FBXO10: variants seen among roughly 807,000 people sequenced by gnomAD.
FBXO10 encodes the protein F-box protein 10.
In FBXO10, 39 loss-of-function variants were observed where a neutral mutation model predicts 80.7. The ratio of observed to expected loss-of-function variants is 0.48; its 90% CI spans 0.37 to 0.63. The LOEUF (loss-of-function observed/expected upper bound fraction) is 0.63. Ranked by LOEUF, FBXO10 falls within the 30% of genes least tolerant of loss-of-function variation. The probability of loss-of-function intolerance (pLI) is 0.00; values close to 1 mark genes in which losing one functional copy is unlikely to be tolerated. For synonymous variants in FBXO10, 449 were observed against 489.6 expected (o/e 0.92, Z 1.09); for missense variants, 1,025 against 1,269.0 (o/e 0.81, Z 2.92).
chr9:37,561,967 A>T (rs1411916458), intron 1 of FBXO10, among the ~76,000 whole-genome samples: 1 of 152,214 alleles, frequency 6.6e-6, no homozygotes, highest in Non-Finnish European at 1.5e-5. Context: ...CTGATGAACA[A>T]GCCCTTGGCC....
chr9:37,541,462 G>A lies in FBXO10; in HGVS notation c.307C>T (p.Arg103Trp), dbSNP rs1346890047. 5 of 1,613,996 alleles carry A rather than the reference G, an allele frequency of 3.1e-6. No homozygotes were observed. The highest frequency in any genetic ancestry group is 3.3e-4 in the Middle Eastern group (2 of 6,062). ...CTCAGGGTACGTCGTTCCCTCCTCC[G>A]GCGGAATAGAGAAAAGCAGATGGAA... Reference protein sequence around the residue: ...ESSICFSLFRRRRERRTLSVG... With the variant: ...ESSICFSLFRWRRERRTLSVG... The change falls in exon 2 of 11, where the codon CGG (arginine) becomes TGG (tryptophan). Residue 103 changes from arginine to tryptophan, a missense_variant. Coordinates refer to ENST00000432825, the MANE Select transcript of FBXO10 (RefSeq NM_012166.3).
intron 9 of FBXO10, among the ~76,000 whole-genome samples, chr9:37,516,589 C>A (rs1821182982): frequency 6.6e-6 from 1 of 152,186 alleles, no homozygotes; most frequent in African/African-American, 2.4e-5. Context: ...GTCATGTGCA[C>A]ACGCATATTG....
intron 5 of FBXO10, 142 bp downstream of exon 5, chr9:37,528,982 G>A (rs970746547): frequency 1.7e-5 from 19 of 1,119,782 alleles, no homozygotes; most frequent in Non-Finnish European, 1.8e-5. Flanking sequence ...CACAAAAGCC[G>A]CTGTGTTACT....
At chr9:37,531,214 T>C (rs1821613975) in intron 4 of FBXO10, among the ~76,000 whole-genome samples, 1 of 152,232 alleles carries the variant, frequency 6.6e-6, no homozygotes. Context: ...GTGGCTATTA[T>C]TTTTTCAAGC....
chr9:37,574,433 G>A (rs751987769), intron 1 of FBXO10, among the ~76,000 whole-genome samples: 2 of 152,116 alleles, frequency 1.3e-5, no homozygotes, highest in African/African-American at 2.4e-5. Context: ...TGATAACCAC[G>A]GCAACCAAAA....
chr9:37,575,033 G>C (rs1372742893), intron 1 of FBXO10, among the ~76,000 whole-genome samples: 1 of 152,160 alleles, frequency 6.6e-6, no homozygotes, highest in Admixed American at 6.5e-5. Context: ...TCAAAGTCCT[G>C]TCGTCCTTCT....
intron 5 of FBXO10, among the ~76,000 whole-genome samples, chr9:37,525,512 A>T (rs1259549406): frequency 6.6e-6 from 1 of 152,198 alleles, no homozygotes; most frequent in Non-Finnish European, 1.5e-5. Context: ...AGTTCACTGT[A>T]GCCTCACTTG....
rs565383173 is a variant in FBXO10 at position 37,513,131 on chromosome 9, G to A, written c.2697-410C>T. Among the ~76,000 whole-genome samples, 10 of 151,826 alleles carry A rather than the reference G, an allele frequency of 6.6e-5. No homozygotes were observed. In the South Asian group the frequency reaches 1.9e-3, roughly 29 times the overall value. ...TAGGCTTGAGCCACTGCATCCAGCC[G>A]ACTTCTCCACTTTAAATAAGGATCT... is the stretch of plus-strand genomic sequence containing the variant. On this transcript the variant is annotated intron_variant, in intron 10 of 10. Coordinates refer to ENST00000432825, the MANE Select transcript of FBXO10 (RefSeq NM_012166.3).
In FBXO10 at chr9:37,512,410, G is replaced by A; in HGVS notation, c.*137C>T. On this transcript the variant is annotated 3_prime_UTR_variant, in exon 11 of 11. Coordinates refer to ENST00000432825, the MANE Select transcript of FBXO10 (RefSeq NM_012166.3). ...ATGGGCTGTGGAGCTGAAGTGTTCT[G>A]GAGGTACCGTGTTTTGGAGGCCCGG... 1 of 830,490 alleles carries A rather than the reference G, an allele frequency of 1.2e-6. No individual in the cohort carries two copies. The highest frequency in any genetic ancestry group is 2.5e-5 in the East Asian group (1 of 39,364). The allele number at this position is 830,490 out of a possible 1,614,324, so 51.4% of individuals were successfully genotyped here. A position where few individuals can be genotyped will look rare whatever the true frequency, so the allele number is the denominator to read the frequency against.
rs371389946 is a variant in FBXO10, at chr9:37,537,199, C to T, written c.1330G>A (p.Val444Ile). 92 of 1,613,966 alleles carry T rather than the reference C, an allele frequency of 5.7e-5. 1 individual carries two copies. The highest frequency in any genetic ancestry group is 5.6e-4 in the South Asian group (51 of 91,088). ...KCLFRDGKGG[V>I]FVCSHGRAKM... Reference sequence around the variant, plus strand: ...GCTCTGCCGTGGGAGCAGACGAAGACGCCTCCCTTCCCGTCCCGGAAGAGG... The same window carrying T: ...GCTCTGCCGTGGGAGCAGACGAAGATGCCTCCCTTCCCGTCCCGGAAGAGG... The change falls in exon 3 of 11, where the codon GTC becomes ATC. Residue 444 changes from valine (V) to isoleucine (I), a missense_variant. Coordinates refer to ENST00000432825, the MANE Select transcript of FBXO10 (RefSeq NM_012166.3).
chr9:37,541,856 T>C (rs1821928545), intron 1 of FBXO10, 82 bp from the exon 2 acceptor site: 1 of 1,167,504 alleles, frequency 8.6e-7, no homozygotes, highest in East Asian at 2.6e-5. Flanking sequence ...GAGATGGAGT[T>C]TCACTCTTCT....
At chr9:37,570,325 A>G (rs1822719027) in intron 1 of FBXO10, among the ~76,000 whole-genome samples, 1 of 152,168 alleles carries the variant, frequency 6.6e-6, no homozygotes, top group South Asian at 2.1e-4. Flanking sequence ...GGAAAAAAAA[A>G]AGAAAAGAAA....
At chr9:37,528,981 C>T (rs1490613840) in intron 5 of FBXO10, 143 bp downstream of exon 5, 9 of 1,115,868 alleles carry the variant, frequency 8.1e-6, no homozygotes, top group Admixed American at 7.9e-5. Flanking sequence ...ACACAAAAGC[C>T]GCTGTGTTAC....
intron 1 of FBXO10, among the ~76,000 whole-genome samples, chr9:37,558,870 G>C (rs1416073839): frequency 6.6e-6 from 1 of 151,436 alleles, no homozygotes; most frequent in Non-Finnish European, 1.5e-5. Context: ...GAGTGCAATG[G>C]TGTGACCTCA....
intron 1 of FBXO10, among the ~76,000 whole-genome samples, chr9:37,552,719 A>C (rs1467579237): frequency 6.6e-6 from 1 of 150,764 alleles, no homozygotes; most frequent in Non-Finnish European, 1.5e-5. Flanking sequence ...AAAAGAACAG[A>C]CATTTATTTT....
intron 1 of FBXO10, among the ~76,000 whole-genome samples, chr9:37,566,237 A>G (rs1049983076): frequency 3.3e-5 from 5 of 152,220 alleles, no homozygotes; most frequent in Admixed American, 6.5e-5. Context: ...AACAAGGGAA[A>G]CACACTTTCT....
At chr9:37,548,984 A>G (rs984992579) in intron 1 of FBXO10, among the ~76,000 whole-genome samples, 2 of 152,122 alleles carry the variant, frequency 1.3e-5, no homozygotes, top group African/African-American at 2.4e-5. Context: ...TCCTGACCTC[A>G]TGATCCACCC....
At chr9:37,560,722 C>T (rs1394911078) in intron 1 of FBXO10, among the ~76,000 whole-genome samples, 3 of 151,950 alleles carry the variant, frequency 2.0e-5, no homozygotes, top group Admixed American at 1.3e-4. Context: ...AACAAATGTC[C>T]CCAGAGCCTG....
intron 1 of FBXO10, among the ~76,000 whole-genome samples, chr9:37,547,692 C>T (rs1822091307): frequency 6.6e-6 from 1 of 152,208 alleles, no homozygotes; most frequent in African/African-American, 2.4e-5. Flanking sequence ...GGCACAGTGG[C>T]TCACACCTGT....
Sources: allele counts gnomAD v4.1 joint callset (sites outside exome capture counted in the v4.1 genomes callset), GRCh38; gene constraint gnomAD v4.1.1; transcripts MANE v1.5; gene names NCBI Gene and HGNC (gene_info 2026-07-23, HGNC 2026-07-21).